Variants in NDFIP2 observed in about 807,000 individuals in gnomAD.
NDFIP2 encodes Nedd4 family interacting protein 2.
In NDFIP2, 19 loss-of-function variants were observed where a neutral mutation model predicts 36.0. The observed-to-expected ratio is 0.53, with a 90% CI of 0.37 to 0.77. The LOEUF is 0.77. NDFIP2 is among the 30% of genes least tolerant of loss of function. The pLI is 0.00. For synonymous variants in NDFIP2, 181 were observed against 167.7 expected, an observed-to-expected ratio of 1.08 and a Z score of -0.61; for missense variants, 446 against 435.8, an observed-to-expected ratio of 1.02 and a Z score of -0.21.
At position 79,554,336 on chromosome 13, in the gene NDFIP2, G is replaced by T. The variant is rs1259110141; in HGVS notation, c.*1823G>T. The T allele has an allele frequency of 6.6e-6, 1 of 151,636 alleles. No homozygotes were observed. Among genetic ancestry groups the T allele is most frequent in the African/African-American group, 2.4e-5 (1 of 41,396 alleles). The allele number at this position is 151,636 out of a possible 1,614,324, so 9.4% of individuals were successfully genotyped here. A position where few individuals can be genotyped will look rare whatever the true frequency, so the allele number is the denominator to read the frequency against. ...TTTCATATTAATTTCTTATAGACCT[G>T]TACTTTATTCTTTCAATAATTTTTA... On this transcript the variant is annotated 3_prime_UTR_variant, in exon 8 of 8. Coordinates refer to ENST00000218652, the MANE Select transcript of NDFIP2 (RefSeq NM_019080.3).
intron 3 of NDFIP2, among the ~76,000 whole-genome samples, chr13:79,537,231 T>C (rs565510259): frequency 3.8e-4 from 58 of 152,144 alleles, no homozygotes; most frequent in African/African-American, 1.3e-3. Context: ...CCTTAGCCTC[T>C]TGAGTAGCTG....
intron 1 of NDFIP2, among the ~76,000 whole-genome samples, chr13:79,506,302 A>G (rs1873866224): frequency 6.6e-6 from 1 of 152,192 alleles, no homozygotes; most frequent in South Asian, 2.1e-4. Flanking sequence ...TTGGAATAAT[A>G]TATGATTCTC....
intron 2 of NDFIP2, among the ~76,000 whole-genome samples, chr13:79,529,115 A>G (rs1874913074): frequency 6.6e-6 from 1 of 152,166 alleles, no homozygotes; most frequent in Non-Finnish European, 1.5e-5. Context: ...TGTCAGTTTT[A>G]TGGATGAGAA....
At chr13:79,499,764 C>G (rs1190437770) in intron 1 of NDFIP2, among the ~76,000 whole-genome samples, 5 of 151,860 alleles carry the variant, frequency 3.3e-5, no homozygotes, top group Non-Finnish European at 7.4e-5. Context: ...GATAGATAGA[C>G]TCAATATTGT....
At chr13:79,530,763 G>A (rs768394744) in intron 2 of NDFIP2, among the ~76,000 whole-genome samples, 6 of 152,060 alleles carry the variant, frequency 3.9e-5, no homozygotes, top group African/African-American at 7.2e-5. Flanking sequence ...CACATTTTCA[G>A]GCCTCACTTC....
chr13:79,524,185 C>T (rs1280412010), intron 2 of NDFIP2, among the ~76,000 whole-genome samples: 1 of 152,188 alleles, frequency 6.6e-6, no homozygotes, highest in Non-Finnish European at 1.5e-5. Flanking sequence ...ATTAACACTT[C>T]TTGATGGCCA....
At chr13:79,498,347 CATT>C (rs1430347284) in intron 1 of NDFIP2, among the ~76,000 whole-genome samples, 1 of 151,744 alleles carries the variant, frequency 6.6e-6, no homozygotes, top group African/African-American at 2.4e-5. Context: ...GTGGATATGG[CATT>C]ATAATGATCA....
At chr13:79,542,257 C>T (rs1257208573) in intron 4 of NDFIP2, among the ~76,000 whole-genome samples, 1 of 152,104 alleles carries the variant, frequency 6.6e-6, no homozygotes, top group African/African-American at 2.4e-5. Context: ...CATCAGCATG[C>T]CATGATAATA....
intron 1 of NDFIP2, among the ~76,000 whole-genome samples, chr13:79,499,782 C>T (rs1873585271): frequency 6.6e-6 from 1 of 151,952 alleles, no homozygotes; most frequent in South Asian, 2.1e-4. Context: ...TGTCAAGATG[C>T]CAGTTCTTCA....
intron 1 of NDFIP2, among the ~76,000 whole-genome samples, chr13:79,506,807 TA>T (rs1873885196): frequency 6.6e-6 from 1 of 152,082 alleles, no homozygotes; most frequent in Non-Finnish European, 1.5e-5. Context: ...TGTGCTATTT[TA>T]AAAAACAAAA....
At position 79,543,625 on chromosome 13, in the gene NDFIP2, G is replaced by C. The variant is rs1485835558; in HGVS notation, c.783G>C (p.Arg261Ser). The C allele has an allele frequency of 6.2e-7, 1 of 1,613,748 alleles. No homozygotes were observed. ...GTATCACCAATACCATAGCTGGAAG[G>C]TATGGTGCTATCTGCGGATTTGGCC... The part of the protein sequence containing the change: ...SFCITNTIAG[R>S]YGAICGFGLS... Residue 261 changes from arginine (R) to serine (S), a missense_variant, in exon 5 of 8, where the codon AGG becomes AGC. By Grantham distance (110) the Arg-to-Ser change is moderately radical. This residue lies in a region of NDFIP2 where 77 missense variants were observed against 131.0 expected (regional missense o/e 0.59). Coordinates refer to ENST00000218652, the MANE Select transcript of NDFIP2 (RefSeq NM_019080.3).
chr13:79,546,749 T>C lies in NDFIP2; in HGVS notation c.841-1579T>C, dbSNP rs1000015994. On this transcript the variant is annotated intron_variant, in intron 5 of 7. Coordinates refer to ENST00000218652, the MANE Select transcript of NDFIP2 (RefSeq NM_019080.3). ...GTAAACATTTTTGGTGAAGAATGAC[T>C]GTTCTTGATGTTCAGGTTACCTGTT... Among the ~76,000 whole-genome samples the C allele has an allele frequency of 6.6e-5, 10 of 152,334 alleles. 1 individual carries two copies. The Middle Eastern group carries it at 0.024, about 363-fold the overall frequency.
At position 79,553,224 on chromosome 13, in the gene NDFIP2, A is replaced by G. The variant is rs1259199954; in HGVS notation, c.*711A>G. The stretch of plus-strand genomic sequence containing the variant: ...CATATATATACACACACACATATAT[A>G]TATTTAGAAACGTGAGTGTTAAAGA... On this transcript the variant is annotated 3_prime_UTR_variant, in exon 8 of 8. Transcript: ENST00000218652. 1 of 151,252 alleles carries G rather than the reference A, an allele frequency of 6.6e-6. No individual in the cohort carries two copies. The highest frequency in any genetic ancestry group is 1.9e-4 in the East Asian group (1 of 5,144). 9.4% of individuals were successfully genotyped at this position (151,252 alleles called of 1,614,324 possible).
Position 79,553,410 on chromosome 13 carries a change from G to C in NDFIP2, c.*897G>C, listed in dbSNP as rs1371756369. 2 of 151,314 alleles carry C rather than the reference G, an allele frequency of 1.3e-5. No homozygotes were observed. Among genetic ancestry groups the C allele is most frequent in the Non-Finnish European group, 3.0e-5 (2 of 67,398 alleles). 9.4% of individuals were successfully genotyped at this position (151,314 alleles called of 1,614,324 possible). On this transcript the variant is annotated 3_prime_UTR_variant, in exon 8 of 8. Coordinates refer to ENST00000218652, the MANE Select transcript of NDFIP2 (RefSeq NM_019080.3). ...CATCTTAAGAGATCTTGCAGGAAGA[G>C]ATTGTATTAGATATTATATTTATTT...
intron 1 of NDFIP2, among the ~76,000 whole-genome samples, chr13:79,488,939 G>A (rs1026418062): frequency 2.6e-5 from 4 of 152,130 alleles, no homozygotes; most frequent in African/African-American, 4.8e-5. Context: ...ATATTAGCAC[G>A]CTTAATCCTT....
At chr13:79,496,018 G>T (rs1873422198) in intron 1 of NDFIP2, among the ~76,000 whole-genome samples, 1 of 151,832 alleles carries the variant, frequency 6.6e-6, no homozygotes, top group Admixed American at 6.6e-5. Context: ...TATGTATTAT[G>T]TTGGGAATCC....
At chr13:79,549,822 A>G (rs879328927) in intron 6 of NDFIP2, among the ~76,000 whole-genome samples, 5 of 151,872 alleles carry the variant, frequency 3.3e-5, no homozygotes, top group Non-Finnish European at 5.9e-5. Flanking sequence ...GAAGGGCATG[A>G]GGGTGGAATT....
rs1325100653 is a variant in NDFIP2 at position 79,551,138 on chromosome 13, CTG to C, written c.*2+19_*2+20del. On this transcript the variant is annotated intron_variant, in intron 7 of 7. Transcript: ENST00000218652. ...TATTGTAGAGGTAAGAAATATTAAT[CTG>C]TGAACTCTGCCTATTCCCTTTATGT... 2.0e-6 allele frequency: 3 copies of C among 1,485,010 alleles called. No homozygotes were observed. In the South Asian group the frequency reaches 3.6e-5, roughly 18 times the overall value. 92.0% of individuals were successfully genotyped at this position (1,485,010 alleles called of 1,614,324 possible).
At chr13:79,510,317 C>A (rs1874035382) in intron 1 of NDFIP2, among the ~76,000 whole-genome samples, 2 of 151,574 alleles carry the variant, frequency 1.3e-5, no homozygotes, top group African/African-American at 2.4e-5. Context: ...AATCCCTAAT[C>A]CACTGACCGT....
Sources: gnomAD v4.1 joint callset for allele counts (sites outside exome capture counted in the v4.1 genomes callset) on GRCh38, gnomAD v4.1.1 for gene constraint, gnomAD v4.1.1 regional missense constraint, MANE v1.5 for transcripts, NCBI Gene and HGNC (gene_info 2026-07-23, HGNC 2026-07-21) for gene names.